Variants in AGMO observed in about 807,000 individuals in gnomAD.
AGMO encodes the protein glyceryl-ether monooxygenase.
Under a neutral mutation model 60.2 loss-of-function variants are expected in AGMO, and 75 were observed. The ratio of observed to expected loss-of-function variants is 1.25; its 90% CI spans 1.03 to 1.51. The LOEUF is 1.51. AGMO is among the 40% of genes most tolerant of loss of function. AGMO has a pLI of 0.00. For synonymous variants in AGMO, 261 were observed against 177.1 expected (o/e 1.47, Z -3.76); for missense variants, 763 against 525.5 (o/e 1.45, Z -4.42).
intron 3 of AGMO, among the ~76,000 whole-genome samples, chr7:15,483,209 T>C (rs1406506253): frequency 2.0e-5 from 3 of 152,172 alleles, no homozygotes; most frequent in Non-Finnish European, 4.4e-5. Context: ...AAGTTCAATA[T>C]CCAAAAATTA....
the AGMO span, among the ~76,000 whole-genome samples, chr7:15,166,506 T>C: frequency 7.2e-5 from 11 of 152,196 alleles, no homozygotes; most frequent in Admixed American, 6.5e-5. Flanking sequence ...TTGGCTTTTA[T>C]TCTCAGCAAA....
chr7:15,466,855 G>C (rs1782306847), intron 3 of AGMO, among the ~76,000 whole-genome samples: 1 of 152,102 alleles, frequency 6.6e-6, no homozygotes, highest in Non-Finnish European at 1.5e-5. Context: ...TCCATACTTT[G>C]CGTTAATTGT....
chr7:15,356,721 A>C (rs557905229), intron 12 of AGMO, among the ~76,000 whole-genome samples: 7 of 151,962 alleles, frequency 4.6e-5, no homozygotes, highest in South Asian at 2.1e-4. Flanking sequence ...CTAATTTAAT[A>C]TCTCTCAAAT....
At chr7:15,131,459 T>G in the AGMO span, among the ~76,000 whole-genome samples, 8 of 152,098 alleles carry the variant, frequency 5.3e-5, no homozygotes, top group African/African-American at 1.9e-4. Context: ...AGTTGACTCT[T>G]GTTAGTGACA....
At chr7:15,185,628 C>A in the AGMO span, among the ~76,000 whole-genome samples, 1 of 151,876 alleles carries the variant, frequency 6.6e-6, no homozygotes, top group Non-Finnish European at 1.5e-5. Flanking sequence ...CAGGTGTCAA[C>A]CAGAAGGAGA....
intron 12 of AGMO, among the ~76,000 whole-genome samples, chr7:15,228,728 C>G (rs947392377): frequency 1.3e-5 from 2 of 152,016 alleles, no homozygotes; most frequent in Admixed American, 1.3e-4. Context: ...TAGTTATCTG[C>G]CAAAGCTGAA....
At chr7:15,202,326 G>T (rs1432476934) in intron 12 of AGMO, among the ~76,000 whole-genome samples, 109 of 151,848 alleles carry the variant, frequency 7.2e-4, no homozygotes, top group Non-Finnish European at 2.2e-4. Context: ...CTGGTGTGGG[G>T]AACTCCGGTG....
intron 12 of AGMO, among the ~76,000 whole-genome samples, chr7:15,230,764 T>G (rs1230803714): frequency 6.6e-6 from 1 of 152,134 alleles, no homozygotes; most frequent in East Asian, 1.9e-4. Context: ...CTCCTCGCTC[T>G]TCCCCTTTGC....
intron 12 of AGMO, among the ~76,000 whole-genome samples, chr7:15,282,130 A>G (rs1355041016): frequency 6.6e-6 from 1 of 152,158 alleles, no homozygotes. Flanking sequence ...CCAAATAAGA[A>G]GCAACCAGAA....
At chr7:15,180,856 A>G in the AGMO span, among the ~76,000 whole-genome samples, 12 of 152,204 alleles carry the variant, frequency 7.9e-5, no homozygotes, top group Admixed American at 5.2e-4. Flanking sequence ...ACAGTTCTGG[A>G]GGCTACGAAG....
intron 12 of AGMO, among the ~76,000 whole-genome samples, chr7:15,339,717 C>A (rs938175694): frequency 6.6e-6 from 1 of 152,156 alleles, no homozygotes; most frequent in Admixed American, 6.5e-5. Context: ...ACACCAATAT[C>A]CCTTTATCCT....
In AGMO at chr7:15,418,594, T is replaced by A. The variant is rs747881131; in HGVS notation, c.573A>T (p.Gln191His). ...TCCAAAATTGGTAAAGAAGATTGAATTGAAGATGAACAGCATATACTGAAG... is the reference window on the plus strand; with the variant it reads ...TCCAAAATTGGTAAAGAAGATTGAAATGAAGATGAACAGCATATACTGAAG... ...IPPSVYAVHLQFNLLYQFWIH... is the reference protein window; with the variant it reads ...IPPSVYAVHLHFNLLYQFWIH... Residue 191 changes from glutamine (Q) to histidine (H), a missense_variant, in exon 5 of 13, where the codon CAA becomes CAT. Physicochemically the swap from Gln to His is conservative, Grantham distance 24. Transcript: ENST00000342526. The A allele has an allele frequency of 6.3e-7, 1 of 1,589,540 alleles. No homozygotes were observed. The highest frequency in any genetic ancestry group is 2.3e-5 in the East Asian group (1 of 43,224).
At chr7:15,347,073 T>C (rs965179773) in intron 12 of AGMO, among the ~76,000 whole-genome samples, 4 of 152,040 alleles carry the variant, frequency 2.6e-5, no homozygotes, top group African/African-American at 9.7e-5. Context: ...GGTACTACAT[T>C]AAAATGAATC....
rs1352222065 is a variant in AGMO at position 15,250,710 on chromosome 7, CA to C, written c.1264-49352del. Among the ~76,000 whole-genome samples the C allele has an allele frequency of 2.3e-4, 35 of 152,074 alleles. 1 individual carries two copies. The highest frequency in any genetic ancestry group is 2.3e-3 in the Admixed American group (35 of 15,272). On this transcript the variant is annotated intron_variant, in intron 12 of 12. Coordinates refer to ENST00000342526, the MANE Select transcript of AGMO (RefSeq NM_001004320.2). ...ATCCCAGCACTTTGGGAAGCTGAGG[CA>C]GGTGGATCACCTGAGGTCAGGAGTT...
intron 12 of AGMO, among the ~76,000 whole-genome samples, chr7:15,225,904 AC>A (rs1425859270): frequency 6.6e-6 from 1 of 151,888 alleles, no homozygotes. Flanking sequence ...TTCTCTTCTT[AC>A]CCTGGCAACT....
intron 12 of AGMO, among the ~76,000 whole-genome samples, chr7:15,309,961 T>TC (rs1345346676): frequency 6.6e-6 from 1 of 152,192 alleles, no homozygotes; most frequent in Non-Finnish European, 1.5e-5. Context: ...TACATTTATA[T>TC]CCCTTCAGCT....
At chr7:15,460,108 T>C (rs1471666792) in intron 3 of AGMO, among the ~76,000 whole-genome samples, 1 of 148,694 alleles carries the variant, frequency 6.7e-6, no homozygotes, top group Non-Finnish European at 1.5e-5. Context: ...AATTTCCCCT[T>C]TTTTTTTTGT....
rs10214946 is a variant in AGMO, at chr7:15,354,315, C to T, written c.1263+11199G>A. Reference sequence around the variant, plus strand: ...ATAAATATATATACGTGTATACACGCGTGTATATACGTACGCGTGTATATA... The same window carrying T: ...ATAAATATATATACGTGTATACACGTGTGTATATACGTACGCGTGTATATA... On this transcript the variant is annotated intron_variant, in intron 12 of 12. Transcript: ENST00000342526. Among the ~76,000 whole-genome samples, 7 of 48,506 alleles carry T rather than the reference C, an allele frequency of 1.4e-4. 1 individual carries two copies. The highest frequency in any genetic ancestry group is 6.0e-4 in the South Asian group (1 of 1,658). The allele number at this position is 48,506 out of a possible 152,430, so 31.8% of individuals were successfully genotyped here. A position where few individuals can be genotyped will look rare whatever the true frequency, so the allele number is the denominator to read the frequency against.
At chr7:15,417,994 T>C (rs377424235) in intron 5 of AGMO, among the ~76,000 whole-genome samples, 2 of 152,146 alleles carry the variant, frequency 1.3e-5, no homozygotes, top group South Asian at 2.1e-4. Context: ...CATTCAAATC[T>C]GACAGTTTGA....
Sources: gnomAD v4.1 joint callset for allele counts (sites outside exome capture counted in the v4.1 genomes callset) on GRCh38, gnomAD v4.1.1 for gene constraint, MANE v1.5 for transcripts, NCBI Gene and HGNC (gene_info 2026-07-23, HGNC 2026-07-21) for gene names.